ERMP1: variants seen among roughly 807,000 people sequenced by gnomAD.
ERMP1 encodes endoplasmic reticulum metallopeptidase 1, also known as Felix-ina.
A neutral mutation model predicts 92.0 loss-of-function variants in ERMP1; 86 were observed. The ratio of observed to expected loss-of-function variants is 0.93; its 90% CI spans 0.79 to 1.12. The LOEUF is 1.12. Among genes scored for constraint, ERMP1 ranks in the 50% most tolerant of loss-of-function variants. ERMP1 has a pLI of 0.00. For missense variants in ERMP1, 1,342 were observed against 1,116.3 expected, an observed-to-expected ratio of 1.20 and a Z score of -2.88; for synonymous variants, 530 against 412.8, an observed-to-expected ratio of 1.28 and a Z score of -3.44.
chr9:5,805,291 T>G (rs1828827713), intron 9 of ERMP1, 74 bp from the exon 10 acceptor site: 21 of 1,165,748 alleles, frequency 1.8e-5, no homozygotes, highest in Non-Finnish European at 2.5e-5. Context: ...AGTACTGGTG[T>G]GCCTTGGTAC....
At chr9:5,834,999 G>A (rs1342044495), upstream of ERMP1, among the ~76,000 whole-genome samples, 4 of 150,018 alleles carry the variant, frequency 2.7e-5, no homozygotes, top group Non-Finnish European at 5.9e-5. Flanking sequence ...GTGTGTGTGT[G>A]TGTGTGTGTG....
At position 5,797,806 on chromosome 9, in the gene ERMP1, A is replaced by C. The variant is rs758011480; in HGVS notation, c.2386+11T>G. 6.6e-7 allele frequency: 1 copy of C among 1,513,968 alleles called. No individual in the cohort carries two copies. Among genetic ancestry groups the C allele is most frequent in the African/African-American group, 1.4e-5 (1 of 71,532 alleles). The allele number at this position is 1,513,968 out of a possible 1,614,324, so 93.8% of individuals were successfully genotyped here. Reference sequence around the variant, plus strand: ...ATAAAGGAGGGGAGAAAAAACTATTATATGACTTACCTGTTGCTTCAAAAG... The same window carrying C: ...ATAAAGGAGGGGAGAAAAAACTATTCTATGACTTACCTGTTGCTTCAAAAG... On this transcript the variant is annotated intron_variant, in intron 13 of 14. Coordinates refer to ENST00000339450, the MANE Select transcript of ERMP1 (RefSeq NM_024896.3).
At chr9:5,860,344 C>T (rs1830448412) in intron 5 of ERMP1, among the ~76,000 whole-genome samples, 1 of 151,686 alleles carries the variant, frequency 6.6e-6, no homozygotes, top group African/African-American at 2.4e-5. Flanking sequence ...GGGATAAATG[C>T]ACTGTCAGTA....
Position 5,787,095 on chromosome 9 carries a change from T to C in ERMP1, c.*49A>G. The C allele has an allele frequency of 6.6e-7, 1 of 1,519,390 alleles. No individual in the cohort carries two copies. The highest frequency in any genetic ancestry group is 1.4e-5 in the African/African-American group (1 of 72,278). 94.1% of individuals were successfully genotyped at this position (1,519,390 alleles called of 1,614,324 possible). A position where few individuals can be genotyped will look rare whatever the true frequency, so the allele number is the denominator to read the frequency against. ...ATCCACGTAACATAGGGAGAAACCATGTCACATGGAGTATCCACTGGGCAT... is the reference window on the plus strand; with the variant it reads ...ATCCACGTAACATAGGGAGAAACCACGTCACATGGAGTATCCACTGGGCAT... On this transcript the variant is annotated 3_prime_UTR_variant, in exon 15 of 15. Transcript: ENST00000339450.
chr9:5,852,659 TAA>T (rs35545449), intron 6 of ERMP1, among the ~76,000 whole-genome samples: 39 of 137,542 alleles, frequency 2.8e-4, no homozygotes, highest in Middle Eastern at 3.5e-3. Flanking sequence ...GAATGTTCAT[TAA>T]AAAAAAAAAA....
At chr9:5,806,766 T>C (rs1828888457) in intron 8 of ERMP1, among the ~76,000 whole-genome samples, 1 of 152,186 alleles carries the variant, frequency 6.6e-6, no homozygotes, top group Admixed American at 6.5e-5. Flanking sequence ...CATTTTAACA[T>C]CTGCATGAGT....
intron 10 of ERMP1, among the ~76,000 whole-genome samples, chr9:5,802,725 G>A (rs1475626974): frequency 6.6e-6 from 1 of 152,120 alleles, no homozygotes; most frequent in African/African-American, 2.4e-5. Flanking sequence ...ATTCTCTGCT[G>A]GACCTTCATG....
In ERMP1 at chr9:5,825,098, G is replaced by C. The variant is rs1829684598; in HGVS notation, c.762C>G (p.Val254=). The C allele has an allele frequency of 6.2e-7, 1 of 1,613,652 alleles. No individual in the cohort carries two copies. ...IFLFNGAEEN[V]LQASHGFITQ... ...TAAAACAGTAAAATCTCACTTGCAA[G>C]ACATTTTCCTCAGCACCATTAAAGA... Residue 254 remains valine (V), a synonymous_variant, in exon 3 of 15, where the codon GTC becomes GTG. Transcript: ENST00000339450.
At chr9:5,788,473 A>T (rs903968702) in intron 13 of ERMP1, among the ~76,000 whole-genome samples, 4 of 152,226 alleles carry the variant, frequency 2.6e-5, no homozygotes, top group African/African-American at 9.6e-5. Flanking sequence ...AAAAGAAGCA[A>T]AAGAAAATTC....
At chr9:5,823,819 T>A in intron 4 of ERMP1, 77 bp downstream of exon 4, 1 of 936,898 alleles carries the variant, frequency 1.1e-6, no homozygotes, top group Admixed American at 2.0e-5. Context: ...ATTGAAGATA[T>A]TATTTATAAT....
At chr9:5,798,746 C>A in intron 12 of ERMP1, 60 bp downstream of exon 12, 1 of 1,045,862 alleles carries the variant, frequency 9.6e-7, no homozygotes, top group Non-Finnish European at 1.5e-6. Context: ...GATAAGAGTA[C>A]TGATATGGTG....
upstream of ERMP1, among the ~76,000 whole-genome samples, chr9:5,836,238 C>A (rs912854505): frequency 2.6e-5 from 4 of 152,216 alleles, no homozygotes; most frequent in African/African-American, 9.7e-5. Flanking sequence ...CAGGTCATTC[C>A]ATAGCCAATT....
At chr9:5,831,728 A>C (rs1334571579) in intron 1 of ERMP1, among the ~76,000 whole-genome samples, 1 of 152,240 alleles carries the variant, frequency 6.6e-6, no homozygotes, top group Non-Finnish European at 1.5e-5. Context: ...GAGCAAAAAT[A>C]ATCAAGTCAA....
chr9:5,848,933 G>T (rs1054169691), intron 6 of ERMP1, among the ~76,000 whole-genome samples: 8 of 152,188 alleles, frequency 5.3e-5, no homozygotes, highest in Non-Finnish European at 1.0e-4. Context: ...TTAGATGGGG[G>T]TTCTGACCTA....
chr9:5,855,059 G>T (rs1830356350), intron 6 of ERMP1, among the ~76,000 whole-genome samples: 1 of 152,118 alleles, frequency 6.6e-6, no homozygotes, highest in Non-Finnish European at 1.5e-5. Flanking sequence ...GAGATTCAAA[G>T]CAATCTTCTT....
At chr9:5,820,183 C>T (rs1220846815) in intron 4 of ERMP1, among the ~76,000 whole-genome samples, 2 of 152,066 alleles carry the variant, frequency 1.3e-5, no homozygotes, top group East Asian at 3.9e-4. Context: ...CCTGTAATCC[C>T]AGCTACATGG....
chr9:5,838,651 A>C (rs1190763319), intron 6 of ERMP1, among the ~76,000 whole-genome samples: 1 of 152,238 alleles, frequency 6.6e-6, no homozygotes, highest in African/African-American at 2.4e-5. Context: ...TAAAAATCAA[A>C]TATATGGAAA....
In ERMP1 at chr9:5,812,938, A is replaced by C; in HGVS notation, c.972T>G (p.Ile324Met). The C allele has an allele frequency of 6.2e-7, 1 of 1,614,058 alleles. No homozygotes were observed. The highest frequency in any genetic ancestry group is 8.5e-7 in the Non-Finnish European group (1 of 1,179,926). Residue 324 changes from isoleucine (I) to methionine (M), a missense_variant, in exon 5 of 15, where the codon ATT becomes ATG. Physicochemically the swap from Ile to Met is conservative, Grantham distance 10. Coordinates refer to ENST00000339450, the MANE Select transcript of ERMP1 (RefSeq NM_024896.3). ...VAQEVFQSGIIPSDTDFRIYR... is the reference protein window; with the variant it reads ...VAQEVFQSGIMPSDTDFRIYR... ...AGATACGAAAGTCAGTATCTGAAGG[A>C]ATGATTCCACTCTGAAAAACCTCCT...
At chr9:5,791,928 A>C (rs1828214043) in intron 13 of ERMP1, among the ~76,000 whole-genome samples, 1 of 152,238 alleles carries the variant, frequency 6.6e-6, no homozygotes, top group African/African-American at 2.4e-5. Context: ...GTGTTACAAC[A>C]GATATACACA....
Sources: allele counts gnomAD v4.1 joint callset (sites outside exome capture counted in the v4.1 genomes callset), GRCh38; gene constraint gnomAD v4.1.1; transcripts MANE v1.5; gene names NCBI Gene and HGNC (gene_info 2026-07-23, HGNC 2026-07-21).